SLC35D4: variants seen among roughly 807,000 people sequenced by gnomAD.
SLC35D4 encodes solute carrier family 35 member D4.
the SLC35D4 span, among the ~76,000 whole-genome samples, chr18:23,260,975 C>G: frequency 6.6e-6 from 1 of 152,134 alleles, no homozygotes; most frequent in Non-Finnish European, 1.5e-5. Flanking sequence ...GCGGAAGGGA[C>G]CCAGGCCAGG....
chr18:23,257,327 A>G, the SLC35D4 span: 1 of 1,613,870 alleles, frequency 6.2e-7, no homozygotes. Flanking sequence ...CCCGAGCACG[A>G]AGTCATGCCC....
At chr18:23,384,957 G>A in the SLC35D4 span, 10,253 of 1,595,250 alleles carry the variant, frequency 6.4e-3, 73 homozygotes, top group South Asian at 0.017. Flanking sequence ...CTAAAACAAG[G>A]AAGTAACACT....
At chr18:23,334,673 G>T in the SLC35D4 span, among the ~76,000 whole-genome samples, 1 of 152,056 alleles carries the variant, frequency 6.6e-6, no homozygotes, top group African/African-American at 2.4e-5. Context: ...GAACGACCAG[G>T]TTAGCGCAAA....
At chr18:23,296,906 T>A in the SLC35D4 span, 1 of 152,146 alleles carries the variant, frequency 6.6e-6, no homozygotes, top group South Asian at 2.1e-4. Flanking sequence ...CTGACAAGTT[T>A]ATAAGGACCA....
At chr18:23,428,715 T>TG in the SLC35D4 span, among the ~76,000 whole-genome samples, 3,985 of 150,412 alleles carry the variant, frequency 0.026, 58 homozygotes, top group Middle Eastern at 0.062. Context: ...ATTCAAGGGG[T>TG]GCTTGTGCAG....
the SLC35D4 span, among the ~76,000 whole-genome samples, chr18:23,372,958 G>A: frequency 3.9e-5 from 6 of 152,166 alleles, no homozygotes; most frequent in African/African-American, 9.6e-5. Context: ...ACTGGGGGGC[G>A]GGGGTGGGTC....
chr18:23,346,582 A>G, the SLC35D4 span, among the ~76,000 whole-genome samples: 1 of 152,164 alleles, frequency 6.6e-6, no homozygotes, highest in East Asian at 1.9e-4. Flanking sequence ...TGTTCAATAG[A>G]AATGGTGAAA....
At chr18:23,265,586 A>G in the SLC35D4 span, among the ~76,000 whole-genome samples, 1 of 151,912 alleles carries the variant, frequency 6.6e-6, no homozygotes, top group Non-Finnish European at 1.5e-5. Context: ...AGAAAGGAAA[A>G]AAGTTTGGCT....
chr18:23,265,811 T>C, the SLC35D4 span, among the ~76,000 whole-genome samples: 6 of 151,792 alleles, frequency 4.0e-5, no homozygotes, highest in Non-Finnish European at 5.9e-5. Context: ...CCACTTGCTA[T>C]AAATTATTTT....
At chr18:23,259,116 A>G in the SLC35D4 span, 2 of 152,164 alleles carry the variant, frequency 1.3e-5, no homozygotes, top group Non-Finnish European at 2.9e-5. Context: ...AAAATATTCA[A>G]GGTGCCTCCA....
At chr18:23,289,459 ACC>A in the SLC35D4 span, among the ~76,000 whole-genome samples, 1 of 151,718 alleles carries the variant, frequency 6.6e-6, no homozygotes, top group Non-Finnish European at 1.5e-5. Context: ...CCACAATATC[ACC>A]CCTTACCACA....
chr18:23,313,419 C>T, the SLC35D4 span, among the ~76,000 whole-genome samples: 12 of 151,688 alleles, frequency 7.9e-5, no homozygotes, highest in African/African-American at 2.7e-4. Flanking sequence ...CCCCCTGTGA[C>T]TCTGGAGCAC....
the SLC35D4 span, among the ~76,000 whole-genome samples, chr18:23,300,589 A>G: frequency 2.0e-5 from 3 of 152,128 alleles, no homozygotes; most frequent in Non-Finnish European, 4.4e-5. Flanking sequence ...ATGAAAACAA[A>G]CCTTGGTTCG....
the SLC35D4 span, chr18:23,437,932 C>G: frequency 6.9e-7 from 1 of 1,456,832 alleles, no homozygotes; most frequent in Non-Finnish European, 9.4e-7. Context: ...GCAGCAGCAG[C>G]AGCGGCAGCG....
At chr18:23,436,445 G>A in the SLC35D4 span, among the ~76,000 whole-genome samples, 1 of 152,126 alleles carries the variant, frequency 6.6e-6, no homozygotes, top group Admixed American at 6.5e-5. Context: ...ACCCATCACT[G>A]CCTCCCAGGA....
the SLC35D4 span, among the ~76,000 whole-genome samples, chr18:23,382,348 C>G: frequency 2.0e-5 from 3 of 149,962 alleles, no homozygotes; most frequent in African/African-American, 7.4e-5. Flanking sequence ...CAGGGAAGTT[C>G]TGCTCCTGAA....
chr18:23,345,519 C>T, the SLC35D4 span, among the ~76,000 whole-genome samples: 2 of 145,036 alleles, frequency 1.4e-5, no homozygotes, highest in Non-Finnish European at 1.5e-5. Context: ...AAATTCTTTC[C>T]TCATTGTGAT....
chr18:23,287,290 T>A, the SLC35D4 span, among the ~76,000 whole-genome samples: 12,201 of 152,050 alleles, frequency 0.08, 510 homozygotes, highest in Middle Eastern at 0.19. Flanking sequence ...ATTATTCTGT[T>A]CTGGATCTCA....
At chr18:23,281,994 T>C in the SLC35D4 span, among the ~76,000 whole-genome samples, 1 of 152,266 alleles carries the variant, frequency 6.6e-6, no homozygotes, top group African/African-American at 2.4e-5. Flanking sequence ...GACAGAACCC[T>C]GGTTCCATCT....
Sources: allele counts gnomAD v4.1 joint callset (sites outside exome capture counted in the v4.1 genomes callset), GRCh38; gene constraint gnomAD v4.1.1; transcripts MANE v1.5; gene names NCBI Gene and HGNC (gene_info 2026-07-23, HGNC 2026-07-21).